Variants in ZNF605 observed in about 807,000 individuals in gnomAD.
The protein encoded by ZNF605 is zinc finger protein 605.
In ZNF605, 9 loss-of-function variants were observed where a neutral mutation model predicts 7.9. The observed-to-expected ratio is 1.14, with a 90% CI of 0.68 to 1.98. The LOEUF (loss-of-function observed/expected upper bound fraction) is 1.98. Among genes scored for constraint, ZNF605 ranks in the 30% most tolerant of loss-of-function variants. ZNF605 has a pLI of 0.00. For missense variants in ZNF605, 673 were observed against 762.4 expected (o/e 0.88, Z 1.38); for synonymous variants, 255 against 260.1 (o/e 0.98, Z 0.19).
Position 132,945,676 on chromosome 12 carries a change from C to G in ZNF605, c.-41G>C. ...GGAAATCTGCTGTTTTGTGACTTCT[C>G]TTAGTCCTGACACCCTGGAGTGGCC... On this transcript the variant is annotated 5_prime_UTR_variant, in exon 3 of 5. Transcript: ENST00000360187. 3 of 1,614,250 alleles carry G rather than the reference C, an allele frequency of 1.9e-6. No homozygotes were observed. Among genetic ancestry groups the G allele is most frequent in the Non-Finnish European group, 2.5e-6 (3 of 1,180,050 alleles).
intron 4 of ZNF605, among the ~76,000 whole-genome samples, chr12:132,928,358 AC>A (rs1301599745): frequency 6.6e-6 from 1 of 152,188 alleles, no homozygotes; most frequent in Non-Finnish European, 1.5e-5. Context: ...CAATAACTTC[AC>A]CATCATCAGT....
At chr12:132,937,789 G>T (rs1318052725) in intron 3 of ZNF605, among the ~76,000 whole-genome samples, 1 of 147,198 alleles carries the variant, frequency 6.8e-6, no homozygotes, top group Non-Finnish European at 1.5e-5. Flanking sequence ...GCTAAAAAGT[G>T]GAACAATTAA....
At chr12:132,942,526 G>C (rs906322985) in intron 3 of ZNF605, among the ~76,000 whole-genome samples, 5 of 152,212 alleles carry the variant, frequency 3.3e-5, no homozygotes, top group African/African-American at 1.2e-4. Flanking sequence ...CTGAAGTCAA[G>C]GCCTAAACCC....
chr12:132,945,798 C>T lies in ZNF605; in HGVS notation c.-162-1G>A. On this transcript the variant is annotated splice_acceptor_variant, in intron 2 of 4. Coordinates refer to ENST00000360187, the MANE Select transcript of ZNF605 (RefSeq NM_183238.4). LOFTEE classifies it low-confidence loss of function (5UTR_SPLICE). ...TTGTCTTGTTCCAGAGGGCTATTGCCTGTGGATGCAGTGGACATTTTATTT... is the reference window on the plus strand; with the variant it reads ...TTGTCTTGTTCCAGAGGGCTATTGCTTGTGGATGCAGTGGACATTTTATTT... 2.1e-6 allele frequency: 2 copies of T among 972,384 alleles called. No individual in the cohort carries two copies. The highest frequency in any genetic ancestry group is 3.3e-6 in the Non-Finnish European group (2 of 615,230). The allele number at this position is 972,384 out of a possible 1,614,324, so 60.2% of individuals were successfully genotyped here.
rs1490384463 is a variant in ZNF605 at position 132,919,755 on chromosome 12, C to G, written c.*5618G>C. ...TCCCTTCACTTACATTTCTTTTCATCTTAACAGTGAATGCCTCGATAGCTA... is the reference window on the plus strand; with the variant it reads ...TCCCTTCACTTACATTTCTTTTCATGTTAACAGTGAATGCCTCGATAGCTA... On this transcript the variant is annotated 3_prime_UTR_variant, in exon 5 of 5. Coordinates refer to ENST00000360187, the MANE Select transcript of ZNF605 (RefSeq NM_183238.4). 1.3e-5 allele frequency: 2 copies of G among 152,154 alleles called. No individual in the cohort carries two copies. Among genetic ancestry groups the G allele is most frequent in the Non-Finnish European group, 2.9e-5 (2 of 68,028 alleles). The allele number at this position is 152,154 out of a possible 1,614,324, so 9.4% of individuals were successfully genotyped here.
At position 132,922,531 on chromosome 12, in the gene ZNF605, G is replaced by C. The variant is rs377238717; in HGVS notation, c.*2842C>G. The C allele has an allele frequency of 2.6e-5, 4 of 152,126 alleles. No individual in the cohort carries two copies. Among genetic ancestry groups the C allele is most frequent in the Non-Finnish European group, 2.9e-5 (2 of 68,034 alleles). 9.4% of individuals were successfully genotyped at this position (152,126 alleles called of 1,614,324 possible). A position where few individuals can be genotyped will look rare whatever the true frequency, so the allele number is the denominator to read the frequency against. On this transcript the variant is annotated 3_prime_UTR_variant, in exon 5 of 5. Transcript: ENST00000360187. Reference sequence around the variant, plus strand: ...AGACATTTCAGCCTATGCACTATGCGGCACTTGTACTGATAACTGATTATC... The same window carrying C: ...AGACATTTCAGCCTATGCACTATGCCGCACTTGTACTGATAACTGATTATC...
At chr12:132,955,032 T>C (rs1449365305) in intron 1 of ZNF605, among the ~76,000 whole-genome samples, 1 of 152,112 alleles carries the variant, frequency 6.6e-6, no homozygotes, top group Non-Finnish European at 1.5e-5. Flanking sequence ...ACCACTGTTA[T>C]TCAGCTGTCA....
Position 132,926,558 on chromosome 12 carries a change from A to G in ZNF605, c.741T>C (p.His247=). ...TGCATCCATACGGCTTCTCTCCAGT[A>G]TGAATTCTCTGATGTAAAATGAGGA... The part of the protein sequence containing the change: ...KSLLILHQRI[H]TGEKPYGCSE... Residue 247 remains histidine, a synonymous_variant, in exon 5 of 5, where the codon CAT becomes CAC. Transcript: ENST00000360187. 1 of 1,614,186 alleles carries G rather than the reference A, an allele frequency of 6.2e-7. No individual in the cohort carries two copies. The highest frequency in any genetic ancestry group is 8.5e-7 in the Non-Finnish European group (1 of 1,180,032).
rs1952208621 is a variant in ZNF605, at chr12:132,921,820, G to A, written c.*3553C>T. The A allele has an allele frequency of 6.6e-6, 1 of 152,248 alleles. No homozygotes were observed. Among genetic ancestry groups the A allele is most frequent in the Admixed American group, 6.5e-5 (1 of 15,284 alleles). 9.4% of individuals were successfully genotyped at this position (152,248 alleles called of 1,614,324 possible). Reference sequence around the variant, plus strand: ...TGGAGAGAAGGCCTGGTGGACAGAAGACAAAGGAAGGCAAAATTCCTAAGG... The same window carrying A: ...TGGAGAGAAGGCCTGGTGGACAGAAAACAAAGGAAGGCAAAATTCCTAAGG... On this transcript the variant is annotated 3_prime_UTR_variant, in exon 5 of 5. Transcript: ENST00000360187.
At position 132,926,489 on chromosome 12, in the gene ZNF605, T is replaced by A; in HGVS notation, c.810A>T (p.Arg270Ser). Residue 270 changes from arginine to serine, a missense_variant, in exon 5 of 5, where the codon AGA (arginine) becomes AGT (serine). Coordinates refer to ENST00000360187, the MANE Select transcript of ZNF605 (RefSeq NM_183238.4). ...TCTCTATTGTGTGCGTTATCTGATG[T>A]CTTTTAAGCTGCGACTTCCTACTGA... Reference protein sequence around the residue: ...KAFSRKSQLKRHQITHTIEKP... With the variant: ...KAFSRKSQLKSHQITHTIEKP... 1 of 1,614,200 alleles carries A rather than the reference T, an allele frequency of 6.2e-7. No homozygotes were observed. Among genetic ancestry groups the A allele is most frequent in the Non-Finnish European group, 8.5e-7 (1 of 1,180,034 alleles).
chr12:132,954,122 G>C (rs558835399), intron 1 of ZNF605, among the ~76,000 whole-genome samples: 1 of 151,276 alleles, frequency 6.6e-6, no homozygotes, highest in South Asian at 2.1e-4. Flanking sequence ...CCATTCCTAC[G>C]TCACACCATA....
chr12:132,935,055 T>C (rs1952349985), intron 3 of ZNF605, among the ~76,000 whole-genome samples: 1 of 151,474 alleles, frequency 6.6e-6, no homozygotes, highest in Non-Finnish European at 1.5e-5. Context: ...AGAGAGGGAG[T>C]GGGAGCGGTG....
intron 3 of ZNF605, among the ~76,000 whole-genome samples, chr12:132,939,002 G>C (rs923340031): frequency 3.3e-5 from 5 of 150,530 alleles, no homozygotes; most frequent in Non-Finnish European, 6.0e-5. Flanking sequence ...GGGCAGGGCT[G>C]GGCACCTGCA....
chr12:132,928,334 T>G (rs1367934453), intron 4 of ZNF605, among the ~76,000 whole-genome samples: 3 of 152,204 alleles, frequency 2.0e-5, no homozygotes, highest in Admixed American at 6.5e-5. Flanking sequence ...GATCATTACT[T>G]AAATCACTGA....
At chr12:132,946,793 G>C (rs1258836499) in intron 2 of ZNF605, among the ~76,000 whole-genome samples, 4 of 152,170 alleles carry the variant, frequency 2.6e-5, no homozygotes, top group African/African-American at 9.7e-5. Flanking sequence ...CTGGGCCCCT[G>C]AGCGCCCCTC....
intron 1 of ZNF605, among the ~76,000 whole-genome samples, chr12:132,950,418 C>G (rs1377944121): frequency 1.3e-5 from 2 of 152,022 alleles, no homozygotes; most frequent in African/African-American, 4.8e-5. Flanking sequence ...CACATGCACA[C>G]GTACAGACAC....
At chr12:132,927,719 C>A (rs548778541) in intron 4 of ZNF605, among the ~76,000 whole-genome samples, 1 of 147,838 alleles carries the variant, frequency 6.8e-6, no homozygotes, top group South Asian at 2.2e-4. Flanking sequence ...TGCAGTGGTG[C>A]GATCTCAGCT....
chr12:132,950,128 C>G (rs972524604), intron 1 of ZNF605, among the ~76,000 whole-genome samples: 3 of 152,020 alleles, frequency 2.0e-5, no homozygotes, highest in Non-Finnish European at 4.4e-5. Flanking sequence ...GCATCCAAAC[C>G]TGGGGTCCCT....
At chr12:132,937,868 T>C (rs982464642) in intron 3 of ZNF605, among the ~76,000 whole-genome samples, 2 of 152,314 alleles carry the variant, frequency 1.3e-5, no homozygotes, top group South Asian at 4.1e-4. Context: ...TTCAAGGGAA[T>C]CACACGCCAA....
Sources: gnomAD v4.1 joint callset for allele counts (sites outside exome capture counted in the v4.1 genomes callset) on GRCh38, gnomAD v4.1.1 for gene constraint, MANE v1.5 for transcripts, NCBI Gene and HGNC (gene_info 2026-07-23, HGNC 2026-07-21) for gene names.